USP35: variants seen among roughly 807,000 people sequenced by gnomAD.
USP35 encodes ubiquitin carboxyl-terminal hydrolase 35.
In USP35, 69 loss-of-function variants were observed where a neutral mutation model predicts 83.8. The ratio of observed to expected loss-of-function variants is 0.82; its 90% CI spans 0.68 to 1.01. USP35 has a LOEUF of 1.01. Ranked by LOEUF, USP35 falls within the 50% of genes least tolerant of loss-of-function variation. The pLI is 0.00. For missense variants in USP35, 1,503 were observed against 1,362.5 expected, an observed-to-expected ratio of 1.10 and a Z score of -1.62; for synonymous variants, 714 against 589.5, an observed-to-expected ratio of 1.21 and a Z score of -3.06.
chr11:78,213,627 C>G lies in USP35; in HGVS notation c.2890-19C>G. The G allele has an allele frequency of 6.8e-7, 1 of 1,466,012 alleles. No homozygotes were observed. Among genetic ancestry groups the G allele is most frequent in the South Asian group, 1.5e-5 (1 of 65,962 alleles). 90.8% of individuals were successfully genotyped at this position (1,466,012 alleles called of 1,614,324 possible). A position where few individuals can be genotyped will look rare whatever the true frequency, so the allele number is the denominator to read the frequency against. On this transcript the variant is annotated intron_variant, in intron 10 of 10. Transcript: ENST00000529308. The stretch of plus-strand genomic sequence containing the variant: ...GGTGTGAATTCTAAGTCTAAGTCTC[C>G]TCTCATCTGTGTTCCCAGGAGCAGG...
the USP35 span, chr11:78,226,563 T>C: frequency 5.3e-6 from 8 of 1,498,600 alleles, no homozygotes; most frequent in South Asian, 5.6e-5. Context: ...CGGTCTCTGC[T>C]GAGGACTGCC....
rs1394400899 is a variant in USP35, at chr11:78,214,693, AAAGT to A, written c.*884_*887del. On this transcript the variant is annotated 3_prime_UTR_variant, in exon 11 of 11. Transcript: ENST00000529308. The stretch of plus-strand genomic sequence containing the variant: ...AGACACCCATGTTCATAAATAAATA[AAAGT>A]AAGCCTAAGCAAGAGATTGTTCTTC... The A allele has an allele frequency of 5.3e-5, 8 of 152,056 alleles. No homozygotes were observed. The highest frequency in any genetic ancestry group is 1.7e-4 in the African/African-American group (7 of 41,414). 9.4% of individuals were successfully genotyped at this position (152,056 alleles called of 1,614,324 possible).
At chr11:78,227,935 T>C in the USP35 span, among the ~76,000 whole-genome samples, 1 of 152,224 alleles carries the variant, frequency 6.6e-6, no homozygotes, top group African/African-American at 2.4e-5. Flanking sequence ...CCTAGAAATC[T>C]ATATGAAGAA....
rs1863142210 is a variant in USP35 at position 78,196,315 on chromosome 11, C to T, written c.70C>T (p.Arg24Cys). 3 of 1,590,916 alleles carry T rather than the reference C, an allele frequency of 1.9e-6. No individual in the cohort carries two copies. Among genetic ancestry groups the T allele is most frequent in the Non-Finnish European group, 2.6e-6 (3 of 1,175,898 alleles). ...CAGCGTGAAGCAGGGGCTGGTTCGG[C>T]GCGTGCTGGAGGCGGCGCGGCAGCC... ...PVSVKQGLVRRVLEAARQPLE... is the reference protein window; with the variant it reads ...PVSVKQGLVRCVLEAARQPLE... The change falls in exon 2 of 11, where the codon CGC becomes TGC. Residue 24 changes from arginine (R) to cysteine (C), a missense_variant. Transcript: ENST00000529308. The surrounding 1 kb of genome is among the most constrained non-coding windows in gnomAD (Gnocchi z 4.8).
chr11:78,213,761 GC>G lies in USP35; in HGVS notation c.3006del (p.Cys1003AlafsTer24). On this transcript the variant is annotated frameshift_variant, in exon 11 of 11. Coordinates refer to ENST00000529308, the MANE Select transcript of USP35 (RefSeq NM_020798.4). LOFTEE classifies it high-confidence loss of function. ...DKDEDEGSPG[G>X]CNPAGGNGGD... is the part of the protein sequence containing the mutation. ...GATGAGGATGAAGGCTCTCCAGGGG[GC>G]TGCAATCCTGCAGGTGGCAATGGTG... The G allele has an allele frequency of 6.5e-7, 1 of 1,545,416 alleles. No individual in the cohort carries two copies. The highest frequency in any genetic ancestry group is 2.6e-5 in the East Asian group (1 of 39,062).
chr11:78,222,272 G>A, the USP35 span: 9 of 920,740 alleles, frequency 9.8e-6, no homozygotes, highest in Admixed American at 1.8e-5. Context: ...TATAACACAT[G>A]AGCATGTTTA....
At position 78,210,342 on chromosome 11, in the gene USP35, C is replaced by A; in HGVS notation, c.2487C>A (p.Ile829=). 6.2e-7 allele frequency: 1 copy of A among 1,612,710 alleles called. No individual in the cohort carries two copies. Among genetic ancestry groups the A allele is most frequent in the African/African-American group, 1.3e-5 (1 of 75,078 alleles). The part of the protein sequence containing the change: ...RRRKILDDVS[I]PLLLRLPLAG... The stretch of plus-strand genomic sequence containing the variant: ...GCAAGATCCTGGATGACGTCTCCAT[C>A]CCCCTGCTGCTCCGCCTGCCACTGG... The change falls in exon 10 of 11, where the codon ATC becomes ATA. Residue 829 remains isoleucine, a synonymous_variant. Transcript: ENST00000529308.
At chr11:78,220,401 C>G in the USP35 span, 2 of 1,599,254 alleles carry the variant, frequency 1.3e-6, no homozygotes, top group East Asian at 2.3e-5. Context: ...AGGGGCAGGA[C>G]TGTTCGTGCC....
chr11:78,197,229 C>A (rs1029583905), intron 2 of USP35, among the ~76,000 whole-genome samples: 2 of 284 alleles, frequency 7.0e-3, no homozygotes, highest in African/African-American at 0.015. Flanking sequence ...GGATTTGGGG[C>A]GGGGGAGGTG....
At chr11:78,234,918 G>A in the USP35 span, among the ~76,000 whole-genome samples, 2 of 151,908 alleles carry the variant, frequency 1.3e-5, no homozygotes, top group Non-Finnish European at 2.9e-5. Flanking sequence ...GCTGAGGCAG[G>A]AGAATTGCTT....
intron 10 of USP35, among the ~76,000 whole-genome samples, chr11:78,211,926 C>T (rs1395951918): frequency 6.6e-6 from 1 of 152,202 alleles, no homozygotes; most frequent in Non-Finnish European, 1.5e-5. Flanking sequence ...TTGTACTCCG[C>T]ATAAGCTCTT....
Position 78,196,325 on chromosome 11 carries a change from A to C in USP35, c.80A>C (p.Glu27Ala), listed in dbSNP as rs767047212. 3 of 1,587,458 alleles carry C rather than the reference A, an allele frequency of 1.9e-6. No individual in the cohort carries two copies. Among genetic ancestry groups the C allele is most frequent in the African/African-American group, 2.7e-5 (2 of 73,456 alleles). Residue 27 changes from glutamate (E) to alanine (A), a missense_variant, in exon 2 of 11, where the codon GAG becomes GCG. Coordinates refer to ENST00000529308, the MANE Select transcript of USP35 (RefSeq NM_020798.4). This position sits in a 1 kb window ranked among gnomAD's most constrained non-coding sequence, Gnocchi z 4.8. ...VKQGLVRRVL[E>A]AARQPLEREQ... ...CAGGGGCTGGTTCGGCGCGTGCTGG[A>C]GGCGGCGCGGCAGCCGCTGGAGCGT...
intron 3 of USP35, 156 bp from the exon 4 acceptor site, chr11:78,199,439 C>T: frequency 8.7e-7 from 1 of 1,143,124 alleles, no homozygotes; most frequent in South Asian, 1.5e-5. Context: ...GTGCATTTCC[C>T]AGCCATGTCT....
the USP35 span, chr11:78,220,462 A>C: frequency 1.3e-6 from 2 of 1,552,768 alleles, no homozygotes; most frequent in Non-Finnish European, 1.7e-6. Flanking sequence ...GAGGAGGAAA[A>C]AACTGTGAGT....
chr11:78,209,007 C>A (rs1351565871), intron 9 of USP35, 44 bp downstream of exon 9: 3 of 1,587,328 alleles, frequency 1.9e-6, no homozygotes, highest in South Asian at 1.1e-5. Context: ...TCTAGAGGGT[C>A]CTTGGGGGCA....
At chr11:78,234,883 G>A in the USP35 span, among the ~76,000 whole-genome samples, 1 of 151,862 alleles carries the variant, frequency 6.6e-6, no homozygotes, top group African/African-American at 2.4e-5. Context: ...GGTGGCACGC[G>A]CCTGTAATCC....
chr11:78,197,263 C>T (rs1301951142), intron 2 of USP35, among the ~76,000 whole-genome samples: 4 of 149,832 alleles, frequency 2.7e-5, no homozygotes, highest in Admixed American at 6.7e-5. Flanking sequence ...TTATGGTCTT[C>T]GGGTCAGGTG....
At chr11:78,195,541 A>G (rs1446562562) in intron 1 of USP35, among the ~76,000 whole-genome samples, 2 of 152,028 alleles carry the variant, frequency 1.3e-5, no homozygotes, top group Non-Finnish European at 2.9e-5. Flanking sequence ...TGTGTGCCCC[A>G]TCTCATCTCC....
the USP35 span, among the ~76,000 whole-genome samples, chr11:78,235,741 G>A: frequency 1.3e-4 from 20 of 152,126 alleles, no homozygotes; most frequent in Admixed American, 1.3e-3. Context: ...ACCTTAGCCT[G>A]GACCTTATTG....
Sources: gnomAD v4.1 joint callset for allele counts (sites outside exome capture counted in the v4.1 genomes callset) on GRCh38, gnomAD v4.1.1 for gene constraint, Gnocchi (gnomAD v3.1) non-coding constraint, MANE v1.5 for transcripts, NCBI Gene and HGNC (gene_info 2026-07-23, HGNC 2026-07-21) for gene names.